WDR91: variants seen among roughly 807,000 people sequenced by gnomAD.
WDR91 encodes the protein WD repeat domain 91.
A neutral mutation model predicts 88.4 loss-of-function variants in WDR91; 52 were observed. That is an observed-to-expected ratio of 0.59 (90% CI 0.47 to 0.74). The LOEUF (loss-of-function observed/expected upper bound fraction) is 0.74. WDR91 is among the 30% of genes least tolerant of loss of function. The probability of loss-of-function intolerance (pLI) is 0.00; values close to 1 mark genes in which losing one functional copy is unlikely to be tolerated. For missense variants in WDR91, 824 were observed against 954.5 expected (o/e 0.86, Z 1.80); for synonymous variants, 362 against 389.5 (o/e 0.93, Z 0.83).
chr7:135,193,152 G>C, intron 11 of WDR91, 79 bp downstream of exon 11: 1 of 1,536,894 alleles, frequency 6.5e-7, no homozygotes, highest in Non-Finnish European at 8.7e-7. Context: ...AGCAAAAAGA[G>C]GGAAGAGGCT....
Position 135,193,385 on chromosome 7 carries a change from G to C in WDR91, c.1505C>G (p.Ala502Gly). Residue 502 changes from alanine to glycine, a missense_variant, in exon 11 of 15, where the codon GCG becomes GGG. By Grantham distance (60) the Ala-to-Gly change is moderately conservative. Coordinates refer to ENST00000354475, the MANE Select transcript of WDR91 (RefSeq NM_014149.4). Reference sequence around the variant, plus strand: ...GAAAGAGGCCCCGTTGGGGCTGCACGCAAGAGACAGGATTCTGCAACACAC... The same window carrying C: ...GAAAGAGGCCCCGTTGGGGCTGCACCCAAGAGACAGGATTCTGCAACACAC... ...NDNMPRILSL[A>G]CSPNGASFVC... 1 of 1,614,114 alleles carries C rather than the reference G, an allele frequency of 6.2e-7. No individual in the cohort carries two copies. The highest frequency in any genetic ancestry group is 8.5e-7 in the Non-Finnish European group (1 of 1,180,030).
chr7:135,194,129 C>T (rs561357235), intron 9 of WDR91, among the ~76,000 whole-genome samples: 23 of 151,980 alleles, frequency 1.5e-4, no homozygotes, highest in Non-Finnish European at 2.8e-4. Flanking sequence ...TCTGTAAAGA[C>T]CTCCAGAAAA....
At position 135,186,135 on chromosome 7, in the gene WDR91, C is replaced by T; in HGVS notation, c.*16G>A. On this transcript the variant is annotated 3_prime_UTR_variant, in exon 15 of 15. Transcript: ENST00000354475. ...CAGATAATACTGCTTCCTCGGGTGGCCCTTGGGGCAAGTCATCAGGCTTTA... is the reference window on the plus strand; with the variant it reads ...CAGATAATACTGCTTCCTCGGGTGGTCCTTGGGGCAAGTCATCAGGCTTTA... The T allele has an allele frequency of 6.3e-7, 1 of 1,578,360 alleles. No individual in the cohort carries two copies. Among genetic ancestry groups the T allele is most frequent in the Non-Finnish European group, 8.6e-7 (1 of 1,166,482 alleles).
At chr7:135,208,677 TG>T in intron 3 of WDR91, 113 bp downstream of exon 3, 1 of 949,268 alleles carries the variant, frequency 1.1e-6, no homozygotes. Context: ...CCCATAAAAA[TG>T]GTCCCTGGGC....
chr7:135,192,665 T>C (rs569500222), intron 11 of WDR91, among the ~76,000 whole-genome samples: 10 of 152,284 alleles, frequency 6.6e-5, no homozygotes, highest in Admixed American at 2.0e-4. Context: ...CAGGAAACAA[T>C]GTGTTCAACA....
At chr7:135,192,529 G>A (rs1240270322) in intron 11 of WDR91, among the ~76,000 whole-genome samples, 1 of 152,148 alleles carries the variant, frequency 6.6e-6, no homozygotes, top group East Asian at 1.9e-4. Flanking sequence ...ACCCTGACGG[G>A]CCTGAGAGGT....
chr7:135,197,422 A>G (rs1451943796), intron 7 of WDR91: 1 of 152,392 alleles, frequency 6.6e-6, no homozygotes, highest in Non-Finnish European at 1.5e-5. Context: ...AAACAGAAGC[A>G]GCTGTAATGC....
rs1432587024 is a variant in WDR91, at chr7:135,209,634, G to A, written c.245C>T (p.Pro82Leu). 1.9e-6 allele frequency: 3 copies of A among 1,611,832 alleles called. No homozygotes were observed. The East Asian group carries it at 6.7e-5, about 36-fold the overall frequency. Residue 82 changes from proline (P) to leucine (L), a missense_variant, in exon 2 of 15, where the codon CCC becomes CTC. By Grantham distance (98) the Pro-to-Leu change is moderately conservative. Coordinates refer to ENST00000354475, the MANE Select transcript of WDR91 (RefSeq NM_014149.4). Reference sequence around the variant, plus strand: ...GCTGGTTTTCAGCTTGTGGATTGTGGGTCTGTATATATCCTCCAAGCGGCT... The same window carrying A: ...GCTGGTTTTCAGCTTGTGGATTGTGAGTCTGTATATATCCTCCAAGCGGCT... ...LFSRLEDIYR[P>L]TIHKLKTSLF...
intron 11 of WDR91, 59 bp downstream of exon 11, chr7:135,193,172 C>T: frequency 6.4e-7 from 1 of 1,573,234 alleles, no homozygotes; most frequent in Non-Finnish European, 8.6e-7. Context: ...TCTTCAGAAA[C>T]CCAGGGGAAT....
At chr7:135,203,481 G>T (rs1412170374) in intron 6 of WDR91, among the ~76,000 whole-genome samples, 1 of 152,176 alleles carries the variant, frequency 6.6e-6, no homozygotes, top group Non-Finnish European at 1.5e-5. Context: ...ACTAGTCAGT[G>T]GGACCCTTGG....
At chr7:135,192,854 G>A (rs1831219660) in intron 11 of WDR91, among the ~76,000 whole-genome samples, 1 of 152,192 alleles carries the variant, frequency 6.6e-6, no homozygotes, top group African/African-American at 2.4e-5. Context: ...GGTCCCCTGG[G>A]AGCAAGTTCA....
rs1345116482 is a variant in WDR91, at chr7:135,192,123, T to G, written c.1659+1108A>C. 2.9e-4 allele frequency among the ~76,000 whole-genome samples: 44 copies of G among 149,350 alleles called. No individual in the cohort carries two copies. The East Asian group carries it at 6.3e-3, about 21-fold the overall frequency. The stretch of plus-strand genomic sequence containing the variant: ...TTTCTGTTGTGTTTTTTTTTTTTTT[T>G]TTTTTTTTTTTTGAGACAGGGTCTC... On this transcript the variant is annotated intron_variant, in intron 11 of 14. Transcript: ENST00000354475.
chr7:135,196,314 G>A lies in WDR91; in HGVS notation c.1074C>T (p.Ala358=). ...GGCAGGGCTCAGCCTCTGGGCCACT[G>A]GCTTCTGGTTTCTTCTCTGCACACT... ...TSQCAEKKPE[A]SGPEAEPCPE... The change falls in exon 8 of 15, where the codon GCC becomes GCT. Residue 358 remains alanine (A), a synonymous_variant. Transcript: ENST00000354475. The surrounding 1 kb of genome is among the most constrained non-coding windows in gnomAD (Gnocchi z 4.2). 1.3e-6 allele frequency: 2 copies of A among 1,578,552 alleles called. No individual in the cohort carries two copies. The highest frequency in any genetic ancestry group is 1.7e-6 in the Non-Finnish European group (2 of 1,163,768).
intron 6 of WDR91, 121 bp from the exon 7 acceptor site, chr7:135,198,272 G>A: frequency 1.7e-6 from 2 of 1,207,648 alleles, no homozygotes; most frequent in Non-Finnish European, 2.3e-6. Flanking sequence ...TGGTTAAAAT[G>A]GTGTTGGCTC....
chr7:135,209,432 C>T (rs1831932272), intron 2 of WDR91, 144 bp downstream of exon 2: 2 of 756,684 alleles, frequency 2.6e-6, no homozygotes, highest in East Asian at 6.0e-5. Context: ...AGAAGAAAAA[C>T]AGTCAAAAAT....
In WDR91 at chr7:135,209,774, G is replaced by A. The variant is rs759030202; in HGVS notation, c.124-19C>T. 1.7e-5 allele frequency: 27 copies of A among 1,566,880 alleles called. No homozygotes were observed. Among genetic ancestry groups the A allele is most frequent in the Non-Finnish European group, 2.3e-5 (26 of 1,152,986 alleles). On this transcript the variant is annotated intron_variant, in intron 1 of 14. Coordinates refer to ENST00000354475, the MANE Select transcript of WDR91 (RefSeq NM_014149.4). The stretch of plus-strand genomic sequence containing the variant: ...TATCCACCTGGCGAGAAACATGGAT[G>A]GAGAAGGTGGTAAGGGACAGAAGGG...
chr7:135,189,549 C>T lies in WDR91; in HGVS notation c.1660-97G>A, dbSNP rs372545681. On this transcript the variant is annotated intron_variant, in intron 11 of 14. Transcript: ENST00000354475. ...GACAGGTGCCCCAGACTGGGTTTTC[C>T]ACCAGCTCCTCCCTTATGTAATCTG... 1.2e-4 allele frequency: 111 copies of T among 904,024 alleles called. 1 individual carries two copies. Among genetic ancestry groups the T allele is most frequent in the African/African-American group, 7.4e-4 (45 of 60,418 alleles). 56.0% of individuals were successfully genotyped at this position (904,024 alleles called of 1,614,324 possible). A position where few individuals can be genotyped will look rare whatever the true frequency, so the allele number is the denominator to read the frequency against.
At chr7:135,210,052 T>C (rs1831955384) in intron 1 of WDR91, among the ~76,000 whole-genome samples, 1 of 152,150 alleles carries the variant, frequency 6.6e-6, no homozygotes, top group Admixed American at 6.5e-5. Context: ...ACTTGATCAA[T>C]TTGGCAGTGT....
At chr7:135,195,222 G>T in intron 8 of WDR91, 138 bp from the exon 9 acceptor site, 1 of 842,444 alleles carries the variant, frequency 1.2e-6, no homozygotes, top group Non-Finnish European at 1.8e-6. Flanking sequence ...TCAAAGGACT[G>T]GTATAGACTA....
Sources: gnomAD v4.1 joint callset for allele counts (sites outside exome capture counted in the v4.1 genomes callset) on GRCh38, gnomAD v4.1.1 for gene constraint, Gnocchi (gnomAD v3.1) non-coding constraint, MANE v1.5 for transcripts, NCBI Gene and HGNC (gene_info 2026-07-23, HGNC 2026-07-21) for gene names.